Variants in NAA16 observed in about 807,000 individuals in gnomAD.
NAA16 encodes the protein N-alpha-acetyltransferase 16, NatA auxiliary subunit, also known as NARG1-like protein.
NAA16 carries 97 observed loss-of-function variants against 110.3 expected under a neutral mutation model. The observed-to-expected ratio is 0.88, with a 90% CI of 0.75 to 1.04. NAA16 has a LOEUF of 1.04. Among genes scored for constraint, NAA16 ranks in the 50% least tolerant of loss-of-function variants. The probability of loss-of-function intolerance (pLI) is 0.00; values close to 1 mark genes in which losing one functional copy is unlikely to be tolerated. For missense variants in NAA16, 1,017 were observed against 1,005.1 expected, an observed-to-expected ratio of 1.01 and a Z score of -0.16; for synonymous variants, 372 against 330.6, an observed-to-expected ratio of 1.13 and a Z score of -1.36.
At chr13:41,319,372 T>C (rs928330443) in intron 3 of NAA16, among the ~76,000 whole-genome samples, 1 of 152,226 alleles carries the variant, frequency 6.6e-6, no homozygotes, top group Non-Finnish European at 1.5e-5. Context: ...CTTAAACTTA[T>C]TTTAAAACAG....
intron 9 of NAA16, among the ~76,000 whole-genome samples, chr13:41,353,407 T>C (rs1272699998): frequency 2.0e-5 from 3 of 152,136 alleles, no homozygotes; most frequent in Non-Finnish European, 4.4e-5. Flanking sequence ...TTGCAATTTT[T>C]TTTTTTATCA....
chr13:41,354,373 G>T (rs1320206532), intron 9 of NAA16, among the ~76,000 whole-genome samples: 1 of 152,254 alleles, frequency 6.6e-6, no homozygotes, highest in South Asian at 2.1e-4. Flanking sequence ...GGTTTCTTTT[G>T]TAGCCATATA....
intron 3 of NAA16, among the ~76,000 whole-genome samples, chr13:41,319,276 C>T (rs948591716): frequency 2.0e-5 from 3 of 152,054 alleles, no homozygotes; most frequent in Non-Finnish European, 4.4e-5. Flanking sequence ...TAATACTTTC[C>T]TGTTATTCCA....
At chr13:41,318,685 G>A in intron 2 of NAA16, 121 bp from the exon 3 acceptor site, 1 of 433,832 alleles carries the variant, frequency 2.3e-6, no homozygotes. Context: ...CAAACTGTGA[G>A]ATTAAAAAGA....
chr13:41,369,200 A>G lies in NAA16; in HGVS notation c.1864A>G (p.Lys622Glu), dbSNP rs1194261760. ...GCATGCAGAAAGAGAACGTCAACAG[A>G]AAAATCAAAAGAAAAAAAGAGATGA... is the stretch of plus-strand genomic sequence containing the variant. Reference protein sequence around the residue: ...RKHAERERQQKNQKKKRDEEE... With the variant: ...RKHAERERQQENQKKKRDEEE... Residue 622 changes from lysine to glutamate, a missense_variant, in exon 15 of 20, where the codon AAA becomes GAA. Transcript: ENST00000379406. 2 of 1,600,066 alleles carry G rather than the reference A, an allele frequency of 1.2e-6. No individual in the cohort carries two copies. The highest frequency in any genetic ancestry group is 2.7e-5 in the African/African-American group (2 of 73,924).
chr13:41,334,316 G>C (rs1299612746), intron 8 of NAA16, among the ~76,000 whole-genome samples: 1 of 152,128 alleles, frequency 6.6e-6, no homozygotes, highest in African/African-American at 2.4e-5. Context: ...TAAAAATAAT[G>C]AAGGGATAAA....
chr13:41,327,490 G>C (rs2042124712), intron 6 of NAA16, among the ~76,000 whole-genome samples: 1 of 150,944 alleles, frequency 6.6e-6, no homozygotes, highest in Admixed American at 6.6e-5. Context: ...ATGCAGTTAG[G>C]TTAGATTATT....
Position 41,375,806 on chromosome 13 carries a change from G to A in NAA16, c.*204G>A, listed in dbSNP as rs1056842628. On this transcript the variant is annotated 3_prime_UTR_variant, in exon 20 of 20. Coordinates refer to ENST00000379406, the MANE Select transcript of NAA16 (RefSeq NM_024561.5). ...AAAATTACCTGTTTATTCTTACACA[G>A]TTTTGTGGTAGCTCCGATCGCTTCT... The A allele has an allele frequency of 8.7e-6, 4 of 458,736 alleles. No individual in the cohort carries two copies. In the East Asian group the frequency reaches 1.4e-4, roughly 16 times the overall value. 28.4% of individuals were successfully genotyped at this position (458,736 alleles called of 1,614,324 possible). A position where few individuals can be genotyped will look rare whatever the true frequency, so the allele number is the denominator to read the frequency against.
Position 41,350,203 on chromosome 13 carries a change from C to A in NAA16, c.1015-4941C>A, listed in dbSNP as rs79926311. 6.9e-3 allele frequency among the ~76,000 whole-genome samples: 1,043 copies of A among 151,778 alleles called. 15 individuals are homozygous for A. The highest frequency in any genetic ancestry group is 0.023 in the African/African-American group (965 of 41,362). Reference sequence around the variant, plus strand: ...CTTGAGCCTGGAAGGTTGAAGGCTGCAGTGAACTTAGACTGCATCACTGCA... The same window carrying A: ...CTTGAGCCTGGAAGGTTGAAGGCTGAAGTGAACTTAGACTGCATCACTGCA... On this transcript the variant is annotated intron_variant, in intron 9 of 19. Coordinates refer to ENST00000379406, the MANE Select transcript of NAA16 (RefSeq NM_024561.5).
chr13:41,367,504 T>C lies in NAA16; in HGVS notation c.1605T>C (p.Leu535=), dbSNP rs773384766. ...FHTYCMRKMT[L]RAYVDLLRLE... ...CATACTGCATGAGAAAGATGACCCTTCGTGCCTATGTTGACCTTTTGAGAT... is the reference window on the plus strand; with the variant it reads ...CATACTGCATGAGAAAGATGACCCTCCGTGCCTATGTTGACCTTTTGAGAT... The change falls in exon 14 of 20, where the codon CTT becomes CTC. Residue 535 remains leucine (L), a synonymous_variant. Coordinates refer to ENST00000379406, the MANE Select transcript of NAA16 (RefSeq NM_024561.5). The C allele has an allele frequency of 6.2e-7, 1 of 1,613,480 alleles. No individual in the cohort carries two copies.
chr13:41,374,169 CCTCA>C (rs2043381203), intron 18 of NAA16, among the ~76,000 whole-genome samples: 1 of 150,018 alleles, frequency 6.7e-6, no homozygotes, highest in African/African-American at 2.5e-5. Flanking sequence ...TGAAATGGAG[CCTCA>C]CTCTGTCGCC....
intron 2 of NAA16, 104 bp downstream of exon 2, chr13:41,317,034 C>T (rs7319540): frequency 0.082 from 62,113 of 761,332 alleles, 2,923 homozygotes; most frequent in East Asian, 0.17. Flanking sequence ...TTGCAGTTCT[C>T]TATTAGAGTG....
rs1347164180 is a variant in NAA16 at position 41,355,186 on chromosome 13, C to G, written c.1057C>G (p.Leu353Val). The G allele has an allele frequency of 1.3e-5, 21 of 1,589,402 alleles. No homozygotes were observed. In the Admixed American group the frequency reaches 3.8e-4, roughly 28 times the overall value. The change falls in exon 10 of 20, where the codon CTT (leucine) becomes GTT (valine). Residue 353 changes from leucine (L) to valine (V), a missense_variant. Physicochemically the swap from Leu to Val is conservative, Grantham distance 32 (BLOSUM62 1). Coordinates refer to ENST00000379406, the MANE Select transcript of NAA16 (RefSeq NM_024561.5). Reference protein sequence around the residue: ...QELVTNYEASLKTCDFFSPYE... With the variant: ...QELVTNYEASVKTCDFFSPYE... ...ACTTGTTACTAATTATGAAGCCTCT[C>G]TTAAAACGTGTGACTTTTTTAGCCC...
chr13:41,375,872 C>T lies in NAA16; in HGVS notation c.*270C>T. 1 of 274,006 alleles carries T rather than the reference C, an allele frequency of 3.6e-6. No homozygotes were observed. Among genetic ancestry groups the T allele is most frequent in the East Asian group, 6.9e-5 (1 of 14,522 alleles). The allele number at this position is 274,006 out of a possible 1,614,324, so 17.0% of individuals were successfully genotyped here. ...CTTACTAAGCTAAGTTGTATACAAC[C>T]CCACTGTATTATTTTCTTTAGATTC... On this transcript the variant is annotated 3_prime_UTR_variant, in exon 20 of 20. Transcript: ENST00000379406.
Position 41,316,872 on chromosome 13 carries a change from A to C in NAA16, c.81A>C (p.Lys27Asn). Residue 27 changes from lysine to asparagine, a missense_variant, in exon 2 of 20, where the codon AAA becomes AAC. Lys to Asn is a moderately conservative substitution (Grantham distance 94). Coordinates refer to ENST00000379406, the MANE Select transcript of NAA16 (RefSeq NM_024561.5). ...AATGTTATGAACAGAAGCAGTACAAAAATGGCCTCAAGTTTTGCAAGATGA... is the reference window on the plus strand; with the variant it reads ...AATGTTATGAACAGAAGCAGTACAACAATGGCCTCAAGTTTTGCAAGATGA... ...ILKCYEQKQY[K>N]NGLKFCKMIL... The C allele has an allele frequency of 6.2e-7, 1 of 1,613,632 alleles. No individual in the cohort carries two copies. The highest frequency in any genetic ancestry group is 8.5e-7 in the Non-Finnish European group (1 of 1,179,644).
intron 12 of NAA16, among the ~76,000 whole-genome samples, chr13:41,361,730 A>G (rs1006434612): frequency 6.6e-6 from 1 of 152,198 alleles, no homozygotes; most frequent in Non-Finnish European, 1.5e-5. Context: ...GGATGGTGCA[A>G]GATTTTATCA....
chr13:41,373,020 G>A (rs2043353100), intron 17 of NAA16, 190 bp downstream of exon 17: 2 of 779,754 alleles, frequency 2.6e-6, no homozygotes, highest in Non-Finnish European at 3.1e-6. Context: ...ACTGAGAGAA[G>A]CAAATATAAG....
At chr13:41,340,694 G>C (rs1460078640) in intron 9 of NAA16, among the ~76,000 whole-genome samples, 2 of 93,026 alleles carry the variant, frequency 2.1e-5, no homozygotes, top group African/African-American at 4.5e-5. Context: ...TTTTTTTTCC[G>C]AGACGGAGTC....
rs1034314617 is a variant in NAA16, at chr13:41,324,692, T to C, written c.538-1006T>C. Among the ~76,000 whole-genome samples the C allele has an allele frequency of 1.3e-3, 202 of 151,642 alleles. 1 individual carries two copies. Among genetic ancestry groups the C allele is most frequent in the Non-Finnish European group, 2.0e-3 (133 of 67,892 alleles). ...CCCGGCCAATTTCTGTTTTTTTTTT[T>C]CCTTTACTTTTTTTCTAGAGACAGG... On this transcript the variant is annotated intron_variant, in intron 5 of 19. Transcript: ENST00000379406.
Sources: allele counts gnomAD v4.1 joint callset (sites outside exome capture counted in the v4.1 genomes callset), GRCh38; gene constraint gnomAD v4.1.1; transcripts MANE v1.5; gene names NCBI Gene and HGNC (gene_info 2026-07-23, HGNC 2026-07-21).